Variants in MCTP1 observed in about 807,000 individuals in gnomAD.
The protein encoded by MCTP1 is multiple C2 and transmembrane domain-containing protein 1.
A neutral mutation model predicts 120.6 loss-of-function variants in MCTP1; 69 were observed. That is an observed-to-expected ratio of 0.57 (90% confidence interval 0.47 to 0.70). MCTP1 has a LOEUF of 0.70. Ranked by LOEUF, MCTP1 falls within the 30% of genes least tolerant of loss-of-function variation. The pLI is 0.00. For missense variants in MCTP1, 1,203 were observed against 1,248.8 expected (o/e 0.96, Z 0.55); for synonymous variants, 529 against 493.1 (o/e 1.07, Z -0.96).
chr5:94,877,617 G>A (rs1378713029), intron 12 of MCTP1: 1 of 152,054 alleles, frequency 6.6e-6, no homozygotes, highest in Non-Finnish European at 1.5e-5. Context: ...AGGATTAAAT[G>A]GGGTGCACTG....
At chr5:94,827,338 A>G (rs1787371528) in intron 17 of MCTP1, among the ~76,000 whole-genome samples, 1 of 152,140 alleles carries the variant, frequency 6.6e-6, no homozygotes, top group South Asian at 2.1e-4. Flanking sequence ...AGAGAGGTCC[A>G]CTGTTAGTCT....
chr5:94,815,010 C>T (rs1016588137), intron 17 of MCTP1, among the ~76,000 whole-genome samples: 3 of 152,156 alleles, frequency 2.0e-5, no homozygotes, highest in African/African-American at 7.2e-5. Context: ...ACTCCTTAGC[C>T]CCACATTCGT....
At chr5:94,844,375 A>T (rs1330356785) in intron 17 of MCTP1, among the ~76,000 whole-genome samples, 2 of 151,828 alleles carry the variant, frequency 1.3e-5, no homozygotes, top group Non-Finnish European at 2.9e-5. Context: ...ATTTTATTTC[A>T]GTGATGGGAA....
chr5:95,267,222 C>T (rs779318580), intron 1 of MCTP1, among the ~76,000 whole-genome samples: 1 of 152,186 alleles, frequency 6.6e-6, no homozygotes, highest in South Asian at 2.1e-4. Context: ...TTTAAATGTA[C>T]ACCTCCTTAT....
chr5:94,869,513 G>GAA (rs1581119721), intron 16 of MCTP1, among the ~76,000 whole-genome samples: 1 of 151,874 alleles, frequency 6.6e-6, no homozygotes, highest in East Asian at 1.9e-4. Context: ...TAATTGTGGT[G>GAA]AAATGTTATT....
At position 94,878,829 on chromosome 5, in the gene MCTP1, G is replaced by A. The variant is rs531265762; in HGVS notation, c.1934-5588C>T. On this transcript the variant is annotated intron_variant, in intron 12 of 22. Transcript: ENST00000515393. ...TATTGTATGTTAGAGAGTGCTACGT[G>A]TTAATTAAAAAAAACAGGTAAAAAT... Among the ~76,000 whole-genome samples the A allele has an allele frequency of 3.3e-5, 5 of 149,288 alleles. No individual in the cohort carries two copies. In the South Asian group the frequency reaches 1.1e-3, roughly 32 times the overall value.
At chr5:95,228,398 A>G (rs538015297) in intron 1 of MCTP1, among the ~76,000 whole-genome samples, 2 of 152,182 alleles carry the variant, frequency 1.3e-5, no homozygotes, top group African/African-American at 4.8e-5. Flanking sequence ...AAAGAGAGAA[A>G]CGTAAAAGTT....
chr5:94,861,789 G>T (rs544019990), intron 17 of MCTP1, among the ~76,000 whole-genome samples: 1 of 151,686 alleles, frequency 6.6e-6, no homozygotes, highest in Non-Finnish European at 1.5e-5. Context: ...ATAATTTTTT[G>T]ATCCTTAGTC....
chr5:94,903,341 T>A (rs920110771), intron 10 of MCTP1, among the ~76,000 whole-genome samples: 3 of 152,058 alleles, frequency 2.0e-5, no homozygotes. Flanking sequence ...ATCTATGGAG[T>A]GTCAAATGCT....
chr5:95,030,316 A>G (rs1178612538), intron 1 of MCTP1, among the ~76,000 whole-genome samples: 2 of 152,188 alleles, frequency 1.3e-5, no homozygotes, highest in South Asian at 2.1e-4. Flanking sequence ...TTTCCACTCA[A>G]CATCAGCCTA....
chr5:94,934,237 T>C (rs1352265311), intron 5 of MCTP1, among the ~76,000 whole-genome samples: 1 of 151,706 alleles, frequency 6.6e-6, no homozygotes, highest in African/African-American at 2.4e-5. Context: ...TTTTCTTTGC[T>C]ATCTGTGAGA....
intron 1 of MCTP1, among the ~76,000 whole-genome samples, chr5:95,249,967 T>G (rs1404196250): frequency 6.6e-6 from 1 of 151,970 alleles, no homozygotes; most frequent in Non-Finnish European, 1.5e-5. Flanking sequence ...CAAGAACACA[T>G]GGACACAGGG....
chr5:94,862,050 T>C (rs1280571426), intron 17 of MCTP1, among the ~76,000 whole-genome samples: 1 of 151,864 alleles, frequency 6.6e-6, no homozygotes, highest in Non-Finnish European at 1.5e-5. Flanking sequence ...ATGCTGGTGA[T>C]ATTTGTAATT....
rs185583978 is a variant in MCTP1, at chr5:94,748,852, A to G, written c.2610+30258T>C. ...CAAATTGAACCTCATATATTTTACT[A>G]TCCAAGAGGATATTACCTTGACTGG... On this transcript the variant is annotated intron_variant, in intron 19 of 22. Transcript: ENST00000515393. Among the ~76,000 whole-genome samples, 9 of 152,342 alleles carry G rather than the reference A, an allele frequency of 5.9e-5. No homozygotes were observed. In the East Asian group the frequency reaches 1.7e-3, roughly 29 times the overall value.
chr5:95,229,758 T>C (rs1041976049), intron 1 of MCTP1, among the ~76,000 whole-genome samples: 8 of 151,424 alleles, frequency 5.3e-5, no homozygotes, highest in African/African-American at 1.9e-4. Context: ...AAAAAAAGAT[T>C]GGTTACACAG....
intron 2 of MCTP1, among the ~76,000 whole-genome samples, chr5:95,016,074 A>G (rs192559001): frequency 1.6e-4 from 25 of 152,294 alleles, no homozygotes; most frequent in Admixed American, 1.0e-3. Flanking sequence ...TTCAATAAAC[A>G]TGTGTCCTTA....
At chr5:95,267,293 T>A (rs1758979051) in intron 1 of MCTP1, among the ~76,000 whole-genome samples, 1 of 152,198 alleles carries the variant, frequency 6.6e-6, no homozygotes. Flanking sequence ...GAAGTTTAAA[T>A]CTCCTGAAAA....
At chr5:94,984,818 C>T (rs946094520) in intron 2 of MCTP1, among the ~76,000 whole-genome samples, 6 of 151,898 alleles carry the variant, frequency 4.0e-5, no homozygotes, top group South Asian at 2.1e-4. Context: ...AGAACACATT[C>T]GATAAGTATT....
intron 1 of MCTP1, among the ~76,000 whole-genome samples, chr5:95,078,410 CTTG>C (rs1469072913): frequency 6.6e-6 from 1 of 152,158 alleles, no homozygotes; most frequent in Non-Finnish European, 1.5e-5. Context: ...AAAGGGAAAT[CTTG>C]TTGTATCACC....
Sources: gnomAD v4.1 joint callset for allele counts (sites outside exome capture counted in the v4.1 genomes callset) on GRCh38, gnomAD v4.1.1 for gene constraint, MANE v1.5 for transcripts, NCBI Gene and HGNC (gene_info 2026-07-23, HGNC 2026-07-21) for gene names.